Variants in RELCH observed in about 807,000 individuals in gnomAD.
RELCH encodes the protein RAB11-binding protein RELCH.
Under a neutral mutation model 150.3 loss-of-function variants are expected in RELCH, and 41 were observed. That is an observed-to-expected ratio of 0.27 (90% CI 0.21 to 0.35). The LOEUF (loss-of-function observed/expected upper bound fraction) is 0.35. RELCH is among the 10% of genes least tolerant of loss of function. The pLI is 1.00. For synonymous variants in RELCH, 478 were observed against 531.8 expected, an observed-to-expected ratio of 0.90 and a Z score of 1.39; for missense variants, 1,092 against 1,467.8, an observed-to-expected ratio of 0.74 and a Z score of 4.18.
At chr18:62,289,899 A>G (rs1358914511) in intron 26 of RELCH, among the ~76,000 whole-genome samples, 1 of 152,194 alleles carries the variant, frequency 6.6e-6, no homozygotes, top group Non-Finnish European at 1.5e-5. Context: ...TTCTCATTCC[A>G]TGCCCATATT....
At chr18:62,298,263 C>T (rs867534494) in intron 27 of RELCH, among the ~76,000 whole-genome samples, 1 of 152,178 alleles carries the variant, frequency 6.6e-6, no homozygotes, top group East Asian at 1.9e-4. Flanking sequence ...CTTTCTATCA[C>T]TCACTCAGTC....
chr18:62,289,684 A>C lies in RELCH; in HGVS notation c.3371-1859A>C, dbSNP rs137861811. Among the ~76,000 whole-genome samples the C allele has an allele frequency of 3.1e-3, 465 of 152,308 alleles. 2 individuals carry two copies. The highest frequency in any genetic ancestry group is 0.011 in the African/African-American group (439 of 41,580). On this transcript the variant is annotated intron_variant, in intron 26 of 28. Coordinates refer to ENST00000644646, the MANE Select transcript of RELCH (RefSeq NM_001346231.2). ...AGTGATCTCCCTTAATAAACTAAGA[A>C]TCTTCTTTCATTGTTAGCAGTCAGA...
At chr18:62,265,931 A>T (rs548051472) in intron 18 of RELCH, among the ~76,000 whole-genome samples, 1 of 152,122 alleles carries the variant, frequency 6.6e-6, no homozygotes, top group South Asian at 2.1e-4. Flanking sequence ...AAAGAAAATT[A>T]AAATTATTTT....
At chr18:62,208,295 T>G (rs1431379075) in intron 1 of RELCH, among the ~76,000 whole-genome samples, 1 of 152,088 alleles carries the variant, frequency 6.6e-6, no homozygotes, top group Non-Finnish European at 1.5e-5. Context: ...ATACTTGATT[T>G]GCACGTATTT....
At position 62,275,107 on chromosome 18, in the gene RELCH, G is replaced by A. The variant is rs549487035; in HGVS notation, c.2868-267G>A. 6.6e-5 allele frequency among the ~76,000 whole-genome samples: 10 copies of A among 152,252 alleles called. No individual in the cohort carries two copies. The East Asian group carries it at 1.9e-3, about 29-fold the overall frequency. ...AATTTTTGTGTTTTTAGTAGAGACA[G>A]GGTTTCACCATGTTGGCCAGGATGG... On this transcript the variant is annotated intron_variant, in intron 21 of 28. Transcript: ENST00000644646.
rs2041288800 is a variant in RELCH at position 62,227,481 on chromosome 18, C to G, written c.1051C>G (p.Gln351Glu). ...SNLPPTLETP[Q>E]PAENSMLVQK... ...CCTTCCTCCAACTCTTGAAACTCCC[C>G]AGCCTGCAGAGGTGAGAGATAGCAA... The change falls in exon 6 of 29, where the codon CAG becomes GAG. Residue 351 changes from glutamine to glutamate, a missense_variant. Around this residue, in one of 4 missense-constraint regions of RELCH, gnomAD observed 707 missense variants for 1,025.4 expected, o/e 0.69. Transcript: ENST00000644646. 6.2e-7 allele frequency: 1 copy of G among 1,612,826 alleles called. No individual in the cohort carries two copies. Among genetic ancestry groups the G allele is most frequent in the Non-Finnish European group, 8.5e-7 (1 of 1,179,314 alleles).
Position 62,252,675 on chromosome 18 carries a change from T to C in RELCH, c.1745T>C (p.Leu582Pro). ...RPDDEQRQMILTGCVAFARHV... is the reference protein window; with the variant it reads ...RPDDEQRQMIPTGCVAFARHV... ...ATATTATTTTTCAGGCAAATGATAC[T>C]GACAGGTTGTGTGGCATTTGCGCGT... Residue 582 changes from leucine (L) to proline (P), a missense_variant, in exon 12 of 29, where the codon CTG (leucine) becomes CCG (proline). Coordinates refer to ENST00000644646, the MANE Select transcript of RELCH (RefSeq NM_001346231.2). The C allele has an allele frequency of 6.2e-7, 1 of 1,613,784 alleles. No homozygotes were observed. The highest frequency in any genetic ancestry group is 8.5e-7 in the Non-Finnish European group (1 of 1,179,728).
At chr18:62,258,238 A>G in intron 14 of RELCH, 150 bp downstream of exon 14, 1 of 770,010 alleles carries the variant, frequency 1.3e-6, no homozygotes, top group Non-Finnish European at 2.0e-6. Context: ...CCTGGTTTCA[A>G]TTTTGCAGCT....
At chr18:62,192,355 A>G (rs1241238498) in intron 1 of RELCH, among the ~76,000 whole-genome samples, 1 of 152,008 alleles carries the variant, frequency 6.6e-6, no homozygotes, top group Admixed American at 6.5e-5. Context: ...GTTCACTCTG[A>G]TAGTTTATTT....
At chr18:62,229,500 G>GTGTGTA (rs1196213596) in intron 8 of RELCH, among the ~76,000 whole-genome samples, 1 of 146,372 alleles carries the variant, frequency 6.8e-6, no homozygotes, top group African/African-American at 2.5e-5. Context: ...GTGTGTGTGT[G>GTGTGTA]TGTGTGTGTG....
At chr18:62,284,256 TA>T (rs2044674623) in intron 25 of RELCH, 1 of 152,232 alleles carries the variant, frequency 6.6e-6, no homozygotes, top group Admixed American at 6.5e-5. Flanking sequence ...GTAGAATAGA[TA>T]CCTACCTATC....
chr18:62,187,392 G>A lies in RELCH; in HGVS notation c.-114G>A, dbSNP rs569050325. 3.0e-5 allele frequency: 30 copies of A among 1,013,838 alleles called. No individual in the cohort carries two copies. The highest frequency in any genetic ancestry group is 1.1e-4 in the African/African-American group (7 of 62,586). 62.8% of individuals were successfully genotyped at this position (1,013,838 alleles called of 1,614,324 possible). A position where few individuals can be genotyped will look rare whatever the true frequency, so the allele number is the denominator to read the frequency against. ...TCCTTGTCTCTAAGTCGGGAGGCAG[G>A]ACGTGGTCAGGCCGGGGCTGTGGAG... On this transcript the variant is annotated 5_prime_UTR_variant, in exon 1 of 29. Transcript: ENST00000644646.
At chr18:62,262,132 C>G (rs2144697874) in intron 16 of RELCH, among the ~76,000 whole-genome samples, 1 of 152,104 alleles carries the variant, frequency 6.6e-6, no homozygotes, top group African/African-American at 2.4e-5. Context: ...AATATAAAAG[C>G]ATCTGTGGCA....
chr18:62,233,028 A>G (rs150450852), intron 10 of RELCH, among the ~76,000 whole-genome samples: 2 of 152,096 alleles, frequency 1.3e-5, no homozygotes, highest in East Asian at 3.9e-4. Flanking sequence ...TGCTTTAAGT[A>G]TCCAAAATAC....
chr18:62,269,904 T>A, intron 20 of RELCH, among the ~76,000 whole-genome samples: 1 of 152,152 alleles, frequency 6.6e-6, no homozygotes, highest in East Asian at 1.9e-4. Flanking sequence ...CATTCTGGAT[T>A]TTCAGATTAG....
intron 1 of RELCH, among the ~76,000 whole-genome samples, chr18:62,203,541 A>G (rs1210055942): frequency 6.6e-6 from 1 of 152,238 alleles, no homozygotes; most frequent in East Asian, 1.9e-4. Flanking sequence ...TAAATTGGTG[A>G]AGATTAAAAA....
intron 1 of RELCH, among the ~76,000 whole-genome samples, chr18:62,198,531 A>G (rs1265259418): frequency 1.3e-5 from 2 of 152,182 alleles, no homozygotes; most frequent in East Asian, 3.9e-4. Flanking sequence ...AAGATTGCTC[A>G]AGGTAGTATC....
intron 1 of RELCH, among the ~76,000 whole-genome samples, chr18:62,201,656 T>C (rs2039453934): frequency 6.6e-6 from 1 of 152,194 alleles, no homozygotes; most frequent in Admixed American, 6.5e-5. Context: ...TCAGTTATTA[T>C]TAATAATGTA....
chr18:62,221,011 T>A (rs747723368), intron 2 of RELCH, 26 bp from the exon 3 acceptor site: 1 of 1,586,362 alleles, frequency 6.3e-7, no homozygotes, highest in African/African-American at 1.4e-5. Flanking sequence ...GATGCCTGTG[T>A]GTGTTTATTC....
Sources: gnomAD v4.1 joint callset for allele counts (sites outside exome capture counted in the v4.1 genomes callset) on GRCh38, gnomAD v4.1.1 for gene constraint, gnomAD v4.1.1 regional missense constraint, MANE v1.5 for transcripts, NCBI Gene and HGNC (gene_info 2026-07-23, HGNC 2026-07-21) for gene names.